FYCO1: variants seen among roughly 807,000 people sequenced by gnomAD.
The protein encoded by FYCO1 is FYVE and coiled-coil domain autophagy adaptor 1.
Under a neutral mutation model 165.1 loss-of-function variants are expected in FYCO1, and 122 were observed. The observed-to-expected ratio is 0.74, with a 90% CI of 0.64 to 0.86. The LOEUF (loss-of-function observed/expected upper bound fraction) is 0.86, where lower values mean the gene tolerates loss of function less well. FYCO1 is among the 40% of genes least tolerant of loss of function. The pLI is 0.00. For synonymous variants in FYCO1, 648 were observed against 742.5 expected (o/e 0.87, Z 2.07); for missense variants, 1,702 against 1,810.3 (o/e 0.94, Z 1.09).
chr3:45,978,610 C>T (rs1706885197), intron 4 of FYCO1, among the ~76,000 whole-genome samples: 1 of 152,156 alleles, frequency 6.6e-6, no homozygotes, highest in African/African-American at 2.4e-5. Flanking sequence ...TGTGGGCAGC[C>T]AGCCAAGCAG....
intron 1 of FYCO1, among the ~76,000 whole-genome samples, chr3:45,987,987 C>A (rs1707385310): frequency 6.6e-6 from 1 of 152,228 alleles, no homozygotes; most frequent in South Asian, 2.1e-4. Context: ...AGGAGACCTT[C>A]TCTGTCTGAC....
intron 16 of FYCO1, among the ~76,000 whole-genome samples, chr3:45,927,149 T>A (rs1049172613): frequency 3.9e-5 from 6 of 152,210 alleles, no homozygotes; most frequent in Admixed American, 1.3e-4. Context: ...TGAGTTTTTT[T>A]ATTTGTTTTT....
At chr3:45,966,151 T>C in intron 8 of FYCO1, 126 bp downstream of exon 8, 1 of 948,482 alleles carries the variant, frequency 1.1e-6, no homozygotes, top group Admixed American at 1.8e-5. Flanking sequence ...CACAAGGTGT[T>C]TGCCTGCACC....
Position 45,964,800 on chromosome 3 carries a change from C to T in FYCO1, c.3150+233G>A, listed in dbSNP as rs560151852. On this transcript the variant is annotated intron_variant, in intron 9 of 17. Coordinates refer to ENST00000296137, the MANE Select transcript of FYCO1 (RefSeq NM_024513.4). This position sits in a 1 kb window ranked among gnomAD's most constrained non-coding sequence, Gnocchi z 4.1. ...TTCAGAATCACTGGCTGGCGATCAC[C>T]CATAGAGATGGCCAAAGAGGACACT... 1.6e-4 allele frequency among the ~76,000 whole-genome samples: 25 copies of T among 152,280 alleles called. No individual in the cohort carries two copies. Among genetic ancestry groups the T allele is most frequent in the African/African-American group, 5.8e-4 (24 of 41,544 alleles).
At chr3:45,963,947 G>A (rs1035452191) in intron 10 of FYCO1, among the ~76,000 whole-genome samples, 13 of 152,142 alleles carry the variant, frequency 8.5e-5, no homozygotes, top group African/African-American at 3.1e-4. Flanking sequence ...GGATTAAATG[G>A]GTAAATGTAT....
intron 16 of FYCO1, among the ~76,000 whole-genome samples, chr3:45,926,531 G>A (rs1483510654): frequency 6.6e-6 from 1 of 152,196 alleles, no homozygotes; most frequent in East Asian, 1.9e-4. Context: ...ATTGCAAGGA[G>A]AGATGGACAA....
At chr3:45,958,704 G>T in intron 12 of FYCO1, 85 bp from the exon 13 acceptor site, 1 of 1,312,274 alleles carries the variant, frequency 7.6e-7, no homozygotes, top group Non-Finnish European at 1.1e-6. Flanking sequence ...GGCTCTGGAT[G>T]CCATGTGACT....
intron 14 of FYCO1, among the ~76,000 whole-genome samples, chr3:45,944,142 A>C (rs1328411241): frequency 6.6e-6 from 1 of 152,070 alleles, no homozygotes; most frequent in African/African-American, 2.4e-5. Context: ...GAAGGATTCA[A>C]GGGGTTCATG....
At chr3:45,972,729 T>G (rs751012875) in intron 6 of FYCO1, among the ~76,000 whole-genome samples, 1 of 152,130 alleles carries the variant, frequency 6.6e-6, no homozygotes, top group African/African-American at 2.4e-5. Context: ...TCACTTCCTC[T>G]CCTACTGCTT....
At chr3:45,982,550 C>T (rs75817942) in intron 2 of FYCO1, among the ~76,000 whole-genome samples, 6,052 of 152,284 alleles carry the variant, frequency 0.04, 164 homozygotes, top group Non-Finnish European at 0.06. Flanking sequence ...TTGACTCTCA[C>T]TCACTGCCTC....
At chr3:45,945,304 TC>T (rs915769541) in intron 14 of FYCO1, 3 of 152,254 alleles carry the variant, frequency 2.0e-5, no homozygotes, top group African/African-American at 7.2e-5. Flanking sequence ...CAGACATGGC[TC>T]CAGGTCACTG....
intron 13 of FYCO1, among the ~76,000 whole-genome samples, chr3:45,957,813 G>A (rs1227988747): frequency 2.0e-5 from 3 of 152,244 alleles, no homozygotes; most frequent in South Asian, 2.1e-4. Context: ...GAGCAGAGAC[G>A]AGCTGAGACC....
chr3:45,947,564 C>A, intron 14 of FYCO1: 1 of 1,371,376 alleles, frequency 7.3e-7, no homozygotes, highest in Non-Finnish European at 1.0e-6. Flanking sequence ...ATGGCTGTGC[C>A]CTCTTGATGT....
At chr3:45,949,610 A>T (rs1170391411) in intron 14 of FYCO1, among the ~76,000 whole-genome samples, 3 of 152,156 alleles carry the variant, frequency 2.0e-5, no homozygotes, top group Non-Finnish European at 4.4e-5. Flanking sequence ...CACCTACACC[A>T]CTGGCTCATG....
At position 45,930,662 on chromosome 3, in the gene FYCO1, C is replaced by T. The variant is rs565789547; in HGVS notation, c.4251+409G>A. On this transcript the variant is annotated intron_variant, in intron 16 of 17. Coordinates refer to ENST00000296137, the MANE Select transcript of FYCO1 (RefSeq NM_024513.4). ...GGGGTTGTCTCTACTGACACCTTTC[C>T]GGGTTGAGATGCACCCTAAGCTAAA... is the stretch of plus-strand genomic sequence containing the variant. 2.0e-4 allele frequency among the ~76,000 whole-genome samples: 30 copies of T among 152,326 alleles called. No individual in the cohort carries two copies. The South Asian group carries it at 4.1e-3, about 21-fold the overall frequency.
At chr3:45,945,553 T>C (rs992008193) in intron 14 of FYCO1, 1 of 152,146 alleles carries the variant, frequency 6.6e-6, no homozygotes, top group Admixed American at 6.5e-5. Context: ...CCATTTCAAT[T>C]GGGTTTTCTG....
rs146311777 is a variant in FYCO1, at chr3:45,968,465, C to T, written c.869G>A (p.Arg290His). The T allele has an allele frequency of 1.2e-3, 1,905 of 1,614,042 alleles. 7 individuals carry two copies. Among genetic ancestry groups the T allele is most frequent in the African/African-American group, 5.8e-3 (433 of 75,070 alleles). ...RGRTAAEDNV[R>H]LTCLVAELQK... ...GAGCTCAGCTACCAAGCAAGTGAGG[C>T]GAACGTTGTCCTCCGCTGCAGTGCG... is the stretch of plus-strand genomic sequence containing the variant. Residue 290 changes from arginine to histidine, a missense_variant, in exon 8 of 18, where the codon CGC becomes CAC. Coordinates refer to ENST00000296137, the MANE Select transcript of FYCO1 (RefSeq NM_024513.4).
intron 14 of FYCO1, among the ~76,000 whole-genome samples, chr3:45,952,909 G>A (rs1705111122): frequency 6.6e-6 from 1 of 152,156 alleles, no homozygotes; most frequent in African/African-American, 2.4e-5. Context: ...ACATGCCCCA[G>A]GGACCATTGA....
At position 45,936,318 on chromosome 3, in the gene FYCO1, AAAG is replaced by A. The variant is rs147246298; in HGVS notation, c.4040+127_4040+129del. 0.12 allele frequency: 85,501 copies of A among 702,830 alleles called. 7,815 individuals are homozygous for A. The highest frequency in any genetic ancestry group is 0.34 in the South Asian group (23,181 of 67,580). The allele number at this position is 702,830 out of a possible 1,614,324, so 43.5% of individuals were successfully genotyped here. On this transcript the variant is annotated intron_variant, in intron 15 of 17. Coordinates refer to ENST00000296137, the MANE Select transcript of FYCO1 (RefSeq NM_024513.4). The stretch of plus-strand genomic sequence containing the variant: ...ATGTATATAAGCTATGCCTGAAAAA[AAAG>A]AATAAACGAAGCCCCACTGGTATTA...
Sources: allele counts gnomAD v4.1 joint callset (sites outside exome capture counted in the v4.1 genomes callset), GRCh38; gene constraint gnomAD v4.1.1; non-coding constraint Gnocchi (gnomAD v3.1); transcripts MANE v1.5; gene names NCBI Gene and HGNC (gene_info 2026-07-23, HGNC 2026-07-21).